CYRIB: variants seen among roughly 807,000 people sequenced by gnomAD.
The protein encoded by CYRIB is CYFIP related Rac1 interactor B.
Under a neutral mutation model 44.2 loss-of-function variants are expected in CYRIB, and 8 were observed. That is an observed-to-expected ratio of 0.18 (90% CI 0.11 to 0.33). The LOEUF is 0.33. CYRIB is among the 10% of genes least tolerant of loss of function. The pLI, the probability that CYRIB is intolerant of heterozygous loss-of-function variation, is 1.00. For missense variants in CYRIB, 185 were observed against 382.8 expected (o/e 0.48, Z 4.31); for synonymous variants, 131 against 127.2 (o/e 1.03, Z -0.20).
chr8:130,007,527 G>A (rs1011717599), intron 1 of CYRIB, among the ~76,000 whole-genome samples: 14 of 152,238 alleles, frequency 9.2e-5, no homozygotes, highest in African/African-American at 2.9e-4. Flanking sequence ...GCTCACGCCT[G>A]TAATCCCAGC....
At chr8:129,978,906 C>T (rs1457629449) in intron 1 of CYRIB, among the ~76,000 whole-genome samples, 4 of 152,172 alleles carry the variant, frequency 2.6e-5, no homozygotes, top group South Asian at 4.2e-4. Flanking sequence ...GAGGCCAAGG[C>T]GGGCAGATCA....
At chr8:129,893,823 A>G (rs2135125989) in intron 2 of CYRIB, among the ~76,000 whole-genome samples, 1 of 148,812 alleles carries the variant, frequency 6.7e-6, no homozygotes, top group Non-Finnish European at 1.5e-5. Context: ...ATGAGCCATC[A>G]CACTAGGCCT....
intron 2 of CYRIB, among the ~76,000 whole-genome samples, chr8:129,896,511 T>C (rs1019821026): frequency 6.6e-6 from 1 of 152,236 alleles, no homozygotes; most frequent in Non-Finnish European, 1.5e-5. Context: ...GTGTTTCCCA[T>C]GTTCTTATGC....
chr8:129,973,407 G>C (rs371918560), intron 1 of CYRIB, among the ~76,000 whole-genome samples: 1 of 152,228 alleles, frequency 6.6e-6, no homozygotes, highest in Non-Finnish European at 1.5e-5. Context: ...GATGGGCCTC[G>C]GTATGTCAGG....
chr8:129,908,175 A>C (rs2076369667), intron 1 of CYRIB, among the ~76,000 whole-genome samples: 1 of 152,232 alleles, frequency 6.6e-6, no homozygotes, highest in South Asian at 2.1e-4. Flanking sequence ...TAAAATATAA[A>C]GCACTATAAA....
intron 1 of CYRIB, among the ~76,000 whole-genome samples, chr8:129,909,420 T>C (rs2076948724): frequency 6.6e-6 from 1 of 152,222 alleles, no homozygotes; most frequent in African/African-American, 2.4e-5. Context: ...TTCTTTTATG[T>C]ATATTTTTAT....
At chr8:129,865,713 A>G (rs1444184664) in intron 4 of CYRIB, among the ~76,000 whole-genome samples, 1 of 152,266 alleles carries the variant, frequency 6.6e-6, no homozygotes, top group African/African-American at 2.4e-5. Context: ...AGCTCTATAG[A>G]AATCAATGGA....
chr8:129,854,212 A>G (rs2044871893), intron 7 of CYRIB, 54 bp downstream of exon 9: 3 of 1,269,164 alleles, frequency 2.4e-6, no homozygotes, highest in Admixed American at 3.8e-5. Context: ...TAAAATGAAC[A>G]GGCTGAGCAC....
intron 4 of CYRIB, among the ~76,000 whole-genome samples, chr8:129,863,524 T>TA (rs768283158): frequency 0.013 from 1,767 of 137,708 alleles, 39 homozygotes; most frequent in African/African-American, 0.039. Context: ...GACTCTGTCT[T>TA]AAAAAAAAAA....
chr8:129,976,937 G>A (rs2095954918), intron 1 of CYRIB, among the ~76,000 whole-genome samples: 1 of 152,094 alleles, frequency 6.6e-6, no homozygotes, highest in Non-Finnish European at 1.5e-5. Flanking sequence ...CGCCTCCTGG[G>A]TTCAAGTGAT....
chr8:129,886,725 C>T (rs902020767), intron 2 of CYRIB, among the ~76,000 whole-genome samples: 5 of 152,060 alleles, frequency 3.3e-5, no homozygotes, highest in Non-Finnish European at 7.4e-5. Flanking sequence ...ACCTTGCCTG[C>T]CAGGAGCATC....
intron 3 of CYRIB, among the ~76,000 whole-genome samples, chr8:129,878,430 T>C (rs1197895956): frequency 6.6e-6 from 1 of 152,248 alleles, no homozygotes. Context: ...GGGGTTTAAG[T>C]GATTTATTTG....
exon 12 of CYRIB, chr8:129,840,471 T>C (rs1354536835): frequency 6.6e-6 from 1 of 152,276 alleles, no homozygotes; most frequent in African/African-American, 2.4e-5. Flanking sequence ...GCAAAAACTT[T>C]TTCCAAATAA....
intron 1 of CYRIB, among the ~76,000 whole-genome samples, chr8:129,931,907 G>A (rs908122150): frequency 7.9e-5 from 12 of 152,020 alleles, no homozygotes; most frequent in Admixed American, 4.6e-4. Context: ...GATTGCAGGC[G>A]TGAGTCAGTA....
chr8:129,855,493 T>G lies in CYRIB; in HGVS notation c.438+118A>C, dbSNP rs1276621723. ...TTCTAAATCCAGCTTTGCATTTTTA[T>G]TAAGGTCTAGCAGACATCATTTAAA... is the stretch of plus-strand genomic sequence containing the variant. On this transcript the variant is annotated intron_variant, in intron 6 of 11. Transcript: ENST00000519824. The G allele has an allele frequency of 2.9e-6, 3 of 1,047,120 alleles. No homozygotes were observed. The East Asian group carries it at 7.6e-5, about 26-fold the overall frequency. The allele number at this position is 1,047,120 out of a possible 1,614,324, so 64.9% of individuals were successfully genotyped here.
At chr8:129,902,006 A>T (rs560169429) in intron 2 of CYRIB, among the ~76,000 whole-genome samples, 2 of 152,316 alleles carry the variant, frequency 1.3e-5, no homozygotes, top group South Asian at 4.1e-4. Context: ...ACTTCATACA[A>T]TCATGAATCA....
chr8:129,859,518 T>G (rs879028334), intron 5 of CYRIB, among the ~76,000 whole-genome samples: 1 of 152,208 alleles, frequency 6.6e-6, no homozygotes, highest in South Asian at 2.1e-4. Flanking sequence ...CGGGTGTTTT[T>G]CCTTGACACT....
chr8:129,958,934 G>A (rs1005223585), intron 2 of CYRIB, among the ~76,000 whole-genome samples: 4 of 151,244 alleles, frequency 2.6e-5, no homozygotes, highest in East Asian at 1.9e-4. Context: ...CTGTGATGGC[G>A]GGCGCCTGTA....
At chr8:129,916,086 C>A (rs2080609873) in intron 1 of CYRIB, among the ~76,000 whole-genome samples, 1 of 151,884 alleles carries the variant, frequency 6.6e-6, no homozygotes, top group Non-Finnish European at 1.5e-5. Context: ...AAGTTGAGAC[C>A]CAGAAAGGTT....
Sources: gnomAD v4.1 joint callset for allele counts (sites outside exome capture counted in the v4.1 genomes callset) on GRCh38, gnomAD v4.1.1 for gene constraint, MANE v1.5 for transcripts, NCBI Gene and HGNC (gene_info 2026-07-23, HGNC 2026-07-21) for gene names.